Variants in EHD3 observed in about 807,000 individuals in gnomAD.
EHD3 encodes EH domain containing 3.
In EHD3, 17 loss-of-function variants were observed where a neutral mutation model predicts 43.0. The observed-to-expected ratio is 0.40, with a 90% CI of 0.27 to 0.59. EHD3 has a LOEUF of 0.59. Ranked by LOEUF, EHD3 falls within the 20% of genes least tolerant of loss-of-function variation. The pLI is 0.49. For missense variants in EHD3, 594 were observed against 705.6 expected, an observed-to-expected ratio of 0.84 and a Z score of 1.79; for synonymous variants, 313 against 289.5, an observed-to-expected ratio of 1.08 and a Z score of -0.82.
chr2:31,249,489 G>C (rs975037381), intron 3 of EHD3, 21 bp downstream of exon 3: 5 of 1,609,802 alleles, frequency 3.1e-6, no homozygotes, highest in Non-Finnish European at 3.4e-6. Context: ...TGCCTGAGGG[G>C]TGTTGGCTGT....
chr2:31,248,505 A>G (rs1051846732), intron 2 of EHD3, among the ~76,000 whole-genome samples: 2 of 152,192 alleles, frequency 1.3e-5, no homozygotes, highest in Non-Finnish European at 2.9e-5. Context: ...CCTTGGAGAC[A>G]GGGATCGAGG....
At chr2:31,237,190 T>C (rs967564920) in intron 1 of EHD3, among the ~76,000 whole-genome samples, 3 of 152,064 alleles carry the variant, frequency 2.0e-5, no homozygotes, top group Non-Finnish European at 4.4e-5. Context: ...TAAACAGTTG[T>C]TTTTAATTGG....
chr2:31,261,003 C>T, intron 4 of EHD3, 81 bp downstream of exon 4: 1 of 1,454,986 alleles, frequency 6.9e-7, no homozygotes. Context: ...AGGGTTGCTG[C>T]CTCCAACAGC....
intron 1 of EHD3, among the ~76,000 whole-genome samples, chr2:31,243,456 C>A (rs74175097): frequency 1.1e-5 from 1 of 93,316 alleles, no homozygotes; most frequent in African/African-American, 5.1e-5. Flanking sequence ...TTCTTTCTTT[C>A]TTTCTTTTTT....
rs58630790 is a variant in EHD3 at position 31,257,443 on chromosome 2, C to CAGGGAGGG, written c.503-3055_503-3048dup. Among the ~76,000 whole-genome samples the CAGGGAGGG allele has an allele frequency of 3.0e-3, 457 of 151,020 alleles. 4 individuals are homozygous for CAGGGAGGG. The highest frequency in any genetic ancestry group is 0.011 in the African/African-American group (433 of 40,662). ...TGAGGAGCTGGCTGTGCCTGCGTGCCAGGGAGGGAGGGAGGGAGGCAGGGA... is the reference window on the plus strand; with the variant it reads ...TGAGGAGCTGGCTGTGCCTGCGTGCCAGGGAGGGAGGGAGGGAGGGAGGGAGGCAGGGA... On this transcript the variant is annotated intron_variant, in intron 3 of 5. Transcript: ENST00000322054.
rs1052438301 is a variant in EHD3, at chr2:31,268,691, C to T, written c.*1987C>T. The T allele has an allele frequency of 6.6e-6, 1 of 152,232 alleles. No homozygotes were observed. The highest frequency in any genetic ancestry group is 2.4e-5 in the African/African-American group (1 of 41,444). 9.4% of individuals were successfully genotyped at this position (152,232 alleles called of 1,614,324 possible). On this transcript the variant is annotated 3_prime_UTR_variant, in exon 6 of 6. Transcript: ENST00000322054. Reference sequence around the variant, plus strand: ...ACATGAAATGAAGGGCAGACAAAGGCCAGGCAAAGAGGTCTCACCTGCTCT... The same window carrying T: ...ACATGAAATGAAGGGCAGACAAAGGTCAGGCAAAGAGGTCTCACCTGCTCT...
rs543621218 is a variant in EHD3, at chr2:31,267,101, T to C, written c.*397T>C. ...CAAATGGAAAAGACTTTTCATTTAGTAGACAATTCACTTCTTTTTCTGTGC... is the reference window on the plus strand; with the variant it reads ...CAAATGGAAAAGACTTTTCATTTAGCAGACAATTCACTTCTTTTTCTGTGC... On this transcript the variant is annotated 3_prime_UTR_variant, in exon 6 of 6. Coordinates refer to ENST00000322054, the MANE Select transcript of EHD3 (RefSeq NM_014600.3). 36 of 176,018 alleles carry C rather than the reference T, an allele frequency of 2.0e-4. No individual in the cohort carries two copies. The highest frequency in any genetic ancestry group is 4.7e-4 in the Admixed American group (8 of 16,958). 10.9% of individuals were successfully genotyped at this position (176,018 alleles called of 1,614,324 possible).
At position 31,236,773 on chromosome 2, in the gene EHD3, G is replaced by A. The variant is rs549341766; in HGVS notation, c.227+1925G>A. On this transcript the variant is annotated intron_variant, in intron 1 of 5. Transcript: ENST00000322054. ...GGCCTTGCCCAGGGTCTCGGCTATA[G>A]GAGGTTCCCAGTAGACATTTTGCAG... Among the ~76,000 whole-genome samples the A allele has an allele frequency of 2.6e-5, 4 of 152,320 alleles. No homozygotes were observed. In the East Asian group the frequency reaches 7.7e-4, roughly 29 times the overall value.
At chr2:31,259,893 G>C (rs1683817786) in intron 3 of EHD3, among the ~76,000 whole-genome samples, 1 of 152,158 alleles carries the variant, frequency 6.6e-6, no homozygotes, top group African/African-American at 2.4e-5. Context: ...ACGTTAATAA[G>C]AGTTACTAGG....
Position 31,236,275 on chromosome 2 carries a change from G to A in EHD3, c.227+1427G>A, listed in dbSNP as rs552860944. The stretch of plus-strand genomic sequence containing the variant: ...TTTAAGAGGCCAAGTGATTTCTGAA[G>A]GAGTTTGGGAGGTGATGGGCCTGTT... On this transcript the variant is annotated intron_variant, in intron 1 of 5. Transcript: ENST00000322054. Among the ~76,000 whole-genome samples the A allele has an allele frequency of 2.0e-5, 3 of 152,346 alleles. No homozygotes were observed. In the East Asian group the frequency reaches 5.8e-4, roughly 29 times the overall value.
chr2:31,266,015 G>A lies in EHD3; in HGVS notation c.1081-162G>A, dbSNP rs1222896399. On this transcript the variant is annotated intron_variant, in intron 5 of 5. Coordinates refer to ENST00000322054, the MANE Select transcript of EHD3 (RefSeq NM_014600.3). The surrounding 1 kb of genome is among the most constrained non-coding windows in gnomAD (Gnocchi z 5.1). The stretch of plus-strand genomic sequence containing the variant: ...TATTCCCCTCCTCTCTCATACCTTC[G>A]ATTACCACGTGATGTCCATCAGCTG... Among the ~76,000 whole-genome samples, 2 of 151,918 alleles carry A rather than the reference G, an allele frequency of 1.3e-5. No individual in the cohort carries two copies. The highest frequency in any genetic ancestry group is 1.9e-4 in the East Asian group (1 of 5,178).
intron 5 of EHD3, 117 bp downstream of exon 5, chr2:31,261,830 G>A (rs2148723709): frequency 2.4e-5 from 27 of 1,141,792 alleles, no homozygotes; most frequent in South Asian, 1.2e-4. Context: ...CCCAGAATCT[G>A]CAGGCAAGGA....
intron 3 of EHD3, among the ~76,000 whole-genome samples, chr2:31,257,709 G>T (rs1242127655): frequency 6.6e-6 from 1 of 152,206 alleles, no homozygotes; most frequent in African/African-American, 2.4e-5. Context: ...GTGTCTCATG[G>T]GTGGTATTGG....
At chr2:31,262,723 G>A (rs1030572681) in intron 5 of EHD3, among the ~76,000 whole-genome samples, 3 of 152,188 alleles carry the variant, frequency 2.0e-5, no homozygotes, top group African/African-American at 7.2e-5. Flanking sequence ...TTCGAGACCA[G>A]CCTGGCCAAC....
chr2:31,240,247 C>G (rs1683395578), intron 1 of EHD3, among the ~76,000 whole-genome samples: 1 of 152,226 alleles, frequency 6.6e-6, no homozygotes, highest in South Asian at 2.1e-4. Flanking sequence ...CCTGTCTCCC[C>G]TCATTCTTGT....
At chr2:31,243,006 A>G (rs781170476) in intron 1 of EHD3, among the ~76,000 whole-genome samples, 1 of 151,566 alleles carries the variant, frequency 6.6e-6, no homozygotes, top group African/African-American at 2.4e-5. Context: ...GTCAGGCACA[A>G]TGCCTCACAC....
chr2:31,240,862 A>G (rs1354423432), intron 1 of EHD3, among the ~76,000 whole-genome samples: 2 of 152,058 alleles, frequency 1.3e-5, no homozygotes, highest in African/African-American at 2.4e-5. Flanking sequence ...ACTTCCCGCA[A>G]TCCACTGTTG....
chr2:31,236,581 T>C (rs1397907762), intron 1 of EHD3, among the ~76,000 whole-genome samples: 1 of 152,206 alleles, frequency 6.6e-6, no homozygotes, highest in Non-Finnish European at 1.5e-5. Context: ...CTTGGCCCAT[T>C]CATGCCTCAG....
intron 1 of EHD3, among the ~76,000 whole-genome samples, chr2:31,239,095 T>C (rs2148715299): frequency 6.6e-6 from 1 of 152,290 alleles, no homozygotes; most frequent in South Asian, 2.1e-4. Context: ...ACCCCAAAGG[T>C]GCCTTCGCAT....
Sources: allele counts gnomAD v4.1 joint callset (sites outside exome capture counted in the v4.1 genomes callset), GRCh38; gene constraint gnomAD v4.1.1; non-coding constraint Gnocchi (gnomAD v3.1); transcripts MANE v1.5; gene names NCBI Gene and HGNC (gene_info 2026-07-23, HGNC 2026-07-21).